KLHL29: variants seen among roughly 807,000 people sequenced by gnomAD.
KLHL29 encodes kelch-like protein 29.
In KLHL29, 21 loss-of-function variants were observed where a neutral mutation model predicts 80.4. The ratio of observed to expected loss-of-function variants is 0.26; its 90% CI spans 0.19 to 0.38. The LOEUF is 0.38. Ranked by LOEUF, KLHL29 falls within the 10% of genes least tolerant of loss-of-function variation. The pLI, the probability that KLHL29 is intolerant of heterozygous loss-of-function variation, is 1.00. For synonymous variants in KLHL29, 511 were observed against 526.8 expected (o/e 0.97, Z 0.41); for missense variants, 867 against 1,223.9 (o/e 0.71, Z 4.35).
chr2:23,521,101 G>A (rs1431803166), intron 2 of KLHL29, among the ~76,000 whole-genome samples: 1 of 151,956 alleles, frequency 6.6e-6, no homozygotes, highest in Admixed American at 6.6e-5. Flanking sequence ...GAGAGTCGAT[G>A]GTGGATATTC....
At chr2:23,465,239 C>T (rs1262481385) in intron 1 of KLHL29, among the ~76,000 whole-genome samples, 2 of 152,194 alleles carry the variant, frequency 1.3e-5, no homozygotes, top group African/African-American at 4.8e-5. Flanking sequence ...GAAGCTAGTC[C>T]TGGCAGCGTT....
At chr2:23,469,586 A>G (rs1664440932) in intron 1 of KLHL29, among the ~76,000 whole-genome samples, 1 of 152,176 alleles carries the variant, frequency 6.6e-6, no homozygotes, top group Admixed American at 6.5e-5. Flanking sequence ...ATAAGAGCAA[A>G]ATCTGGAAGC....
intron 1 of KLHL29, among the ~76,000 whole-genome samples, chr2:23,392,136 C>G (rs1212635584): frequency 1.3e-5 from 2 of 152,324 alleles, no homozygotes; most frequent in African/African-American, 2.4e-5. Flanking sequence ...ACCCACATTA[C>G]AGTGGCCTGG....
chr2:23,410,821 C>T (rs1572490302), intron 1 of KLHL29, among the ~76,000 whole-genome samples: 1 of 152,052 alleles, frequency 6.6e-6, no homozygotes, highest in African/African-American at 2.4e-5. Flanking sequence ...GGAAACCACA[C>T]GTCTAAAGCG....
In KLHL29 at chr2:23,706,682, C is replaced by T. The variant is rs1170540565; in HGVS notation, c.*18C>T. The T allele has an allele frequency of 1.3e-6, 2 of 1,490,752 alleles. No individual in the cohort carries two copies. The highest frequency in any genetic ancestry group is 1.4e-5 in the African/African-American group (1 of 71,800). 92.3% of individuals were successfully genotyped at this position (1,490,752 alleles called of 1,614,324 possible). ...GCGGCTGACATCAGCAGAAAGCCCA[C>T]GATAAGACTGTGGACAAGTCTGGTG... On this transcript the variant is annotated 3_prime_UTR_variant, in exon 14 of 14. Coordinates refer to ENST00000486442, the MANE Select transcript of KLHL29 (RefSeq NM_052920.2).
intron 5 of KLHL29, chr2:23,667,492 G>T (rs892038665): frequency 7.2e-5 from 11 of 152,312 alleles, no homozygotes; most frequent in Admixed American, 1.3e-4. Context: ...GATCAGATCA[G>T]CCTCCCTCCT....
intron 2 of KLHL29, among the ~76,000 whole-genome samples, chr2:23,533,213 G>T (rs886658036): frequency 1.3e-5 from 2 of 152,188 alleles, no homozygotes; most frequent in African/African-American, 4.8e-5. Context: ...ATGTGTGAGT[G>T]TGTGCAGATC....
intron 1 of KLHL29, among the ~76,000 whole-genome samples, chr2:23,415,054 C>T (rs1364056618): frequency 6.6e-6 from 1 of 152,244 alleles, no homozygotes; most frequent in African/African-American, 2.4e-5. Flanking sequence ...CCCACAGCTG[C>T]CCTGCTGGTC....
intron 1 of KLHL29, among the ~76,000 whole-genome samples, chr2:23,432,415 AT>A (rs1409870644): frequency 2.0e-5 from 3 of 152,128 alleles, no homozygotes; most frequent in Non-Finnish European, 4.4e-5. Context: ...GAAGCTTTCT[AT>A]TCATTTGTTG....
intron 1 of KLHL29, among the ~76,000 whole-genome samples, chr2:23,465,024 G>A (rs553190982): frequency 3.3e-5 from 5 of 152,254 alleles, no homozygotes; most frequent in East Asian, 1.9e-4. Context: ...CAGACAGATC[G>A]CTTAATTTGC....
chr2:23,641,158 A>G (rs527622105), intron 4 of KLHL29, among the ~76,000 whole-genome samples: 1 of 152,268 alleles, frequency 6.6e-6, no homozygotes, highest in East Asian at 1.9e-4. Flanking sequence ...CTTCCCTGTC[A>G]TGGTGTCTCC....
chr2:23,534,196 T>A (rs1666592328), intron 2 of KLHL29, among the ~76,000 whole-genome samples: 1 of 152,212 alleles, frequency 6.6e-6, no homozygotes, highest in African/African-American at 2.4e-5. Context: ...TCATGAGACC[T>A]GGTGTTGAAT....
chr2:23,628,306 G>T (rs558010879), intron 3 of KLHL29, among the ~76,000 whole-genome samples: 4 of 152,246 alleles, frequency 2.6e-5, no homozygotes, highest in African/African-American at 9.6e-5. Flanking sequence ...GGTTTTTTCT[G>T]GCTCTGGGGG....
chr2:23,518,670 C>T (rs138718975), intron 2 of KLHL29, among the ~76,000 whole-genome samples: 158 of 152,332 alleles, frequency 1.0e-3, no homozygotes, highest in African/African-American at 3.5e-3. Context: ...AGCTTCCACA[C>T]GCAGCAAGCA....
At chr2:23,439,950 CTGTT>C (rs1663463796) in intron 1 of KLHL29, among the ~76,000 whole-genome samples, 1 of 151,204 alleles carries the variant, frequency 6.6e-6, no homozygotes, top group Admixed American at 6.6e-5. Context: ...GAGTCTAAGT[CTGTT>C]TGTAGGTCAC....
At chr2:23,440,375 C>G (rs1377940190) in intron 1 of KLHL29, among the ~76,000 whole-genome samples, 2 of 151,678 alleles carry the variant, frequency 1.3e-5, no homozygotes, top group Admixed American at 1.3e-4. Context: ...CATAAAAACT[C>G]TATAAGAAAA....
intron 3 of KLHL29, among the ~76,000 whole-genome samples, chr2:23,615,535 T>A (rs1199531179): frequency 6.6e-6 from 1 of 151,948 alleles, no homozygotes; most frequent in Admixed American, 6.5e-5. Flanking sequence ...GTCCCCGGGC[T>A]CTGTGTGAGC....
intron 2 of KLHL29, among the ~76,000 whole-genome samples, chr2:23,492,703 A>C (rs1257568388): frequency 1.3e-5 from 2 of 152,210 alleles, no homozygotes; most frequent in Non-Finnish European, 2.9e-5. Context: ...GCTCTGTGCA[A>C]AACAGAGTTG....
chr2:23,477,999 T>G (rs992135312), intron 2 of KLHL29, among the ~76,000 whole-genome samples: 3 of 152,132 alleles, frequency 2.0e-5, no homozygotes, highest in Admixed American at 6.5e-5. Flanking sequence ...TCATGTACTT[T>G]AGGATGGGGA....
Sources: gnomAD v4.1 joint callset for allele counts (sites outside exome capture counted in the v4.1 genomes callset) on GRCh38, gnomAD v4.1.1 for gene constraint, MANE v1.5 for transcripts, NCBI Gene and HGNC (gene_info 2026-07-23, HGNC 2026-07-21) for gene names.